DCUN1D4: variants seen among roughly 807,000 people sequenced by gnomAD.
DCUN1D4 encodes DCN1-like protein 4.
In DCUN1D4, 22 loss-of-function variants were observed where a neutral mutation model predicts 47.9. That is an observed-to-expected ratio of 0.46 (90% confidence interval 0.33 to 0.66). DCUN1D4 has a LOEUF of 0.66. DCUN1D4 is among the 30% of genes least tolerant of loss of function. The pLI, the probability that DCUN1D4 is intolerant of heterozygous loss-of-function variation, is 0.02. For missense variants in DCUN1D4, 301 were observed against 340.8 expected (o/e 0.88, Z 0.92); for synonymous variants, 121 against 112.2 (o/e 1.08, Z -0.50).
chr4:51,872,458 G>A (rs537928741), intron 3 of DCUN1D4, among the ~76,000 whole-genome samples: 1 of 152,238 alleles, frequency 6.6e-6, no homozygotes, highest in South Asian at 2.1e-4. Flanking sequence ...CCAATCCATG[G>A]ACACTGTACT....
intron 7 of DCUN1D4, among the ~76,000 whole-genome samples, chr4:51,892,253 G>A (rs922123806): frequency 6.6e-6 from 1 of 152,114 alleles, no homozygotes; most frequent in Non-Finnish European, 1.5e-5. Flanking sequence ...ATTCCAACAT[G>A]TAATCAATAT....
intron 1 of DCUN1D4, among the ~76,000 whole-genome samples, chr4:51,846,319 TAAG>T (rs1198892566): frequency 6.6e-6 from 1 of 152,216 alleles, no homozygotes; most frequent in Admixed American, 6.5e-5. Context: ...TGTTTTATAT[TAAG>T]AAGGATTTTT....
At chr4:51,859,850 G>A (rs1724758349) in intron 1 of DCUN1D4, among the ~76,000 whole-genome samples, 1 of 152,050 alleles carries the variant, frequency 6.6e-6, no homozygotes, top group South Asian at 2.1e-4. Flanking sequence ...ACTTTGGAGA[G>A]CCGTCTGATC....
intron 6 of DCUN1D4, chr4:51,887,046 A>T (rs1729600668): frequency 2.2e-6 from 1 of 452,738 alleles, no homozygotes; most frequent in Non-Finnish European, 4.4e-6. Flanking sequence ...AGTAGATTGT[A>T]ATCATCAAGA....
chr4:51,858,261 T>C (rs1178642026), intron 1 of DCUN1D4, among the ~76,000 whole-genome samples: 1 of 152,136 alleles, frequency 6.6e-6, no homozygotes, highest in Non-Finnish European at 1.5e-5. Context: ...AATGGAAACC[T>C]GATGAAGTAT....
At position 51,913,875 on chromosome 4, in the gene DCUN1D4, GA is replaced by G. The variant is rs1734051734; in HGVS notation, c.*296del. On this transcript the variant is annotated 3_prime_UTR_variant, in exon 11 of 11. Coordinates refer to ENST00000334635, the MANE Select transcript of DCUN1D4 (RefSeq NM_001040402.3). ...TAAATTTTGTATATGTGTATAAAAG[GA>G]AAAAGGTTCACCTAGAGATTATTTC... 2.5e-5 allele frequency: 8 copies of G among 322,204 alleles called. No homozygotes were observed. Among genetic ancestry groups the G allele is most frequent in the East Asian group, 4.9e-5 (1 of 20,522 alleles). 20.0% of individuals were successfully genotyped at this position (322,204 alleles called of 1,614,324 possible).
intron 1 of DCUN1D4, among the ~76,000 whole-genome samples, 153 bp from the exon 2 acceptor site, chr4:51,863,284 G>A (rs976978339): frequency 2.0e-4 from 30 of 152,118 alleles, no homozygotes; most frequent in Non-Finnish European, 2.8e-4. Context: ...ACTATTTCTA[G>A]GAGGTCACTA....
At chr4:51,850,151 T>C (rs899118621) in intron 1 of DCUN1D4, among the ~76,000 whole-genome samples, 1 of 152,228 alleles carries the variant, frequency 6.6e-6, no homozygotes, top group Non-Finnish European at 1.5e-5. Context: ...TTTGTCACTT[T>C]GCTGTTCCTG....
intron 9 of DCUN1D4, 96 bp downstream of exon 9, chr4:51,911,270 C>A: frequency 8.9e-7 from 1 of 1,119,582 alleles, no homozygotes; most frequent in Non-Finnish European, 1.3e-6. Context: ...GTTTGTTGTA[C>A]TTTTCTGCCT....
In DCUN1D4 at chr4:51,882,851, A is replaced by T. The variant is rs534984973; in HGVS notation, c.344-3717A>T. On this transcript the variant is annotated intron_variant, in intron 5 of 10. Coordinates refer to ENST00000334635, the MANE Select transcript of DCUN1D4 (RefSeq NM_001040402.3). ...AAGAATAGAAACCAAAGAGAGAGGAATTTTAAAAGAATTACAAAGTAACTT... is the reference window on the plus strand; with the variant it reads ...AAGAATAGAAACCAAAGAGAGAGGATTTTTAAAAGAATTACAAAGTAACTT... 8.5e-5 allele frequency among the ~76,000 whole-genome samples: 13 copies of T among 152,248 alleles called. No homozygotes were observed. The South Asian group carries it at 2.7e-3, about 32-fold the overall frequency.
chr4:51,843,317 C>G (rs1721888531), intron 1 of DCUN1D4, 50 bp downstream of exon 1: 4 of 1,495,054 alleles, frequency 2.7e-6, no homozygotes, highest in Non-Finnish European at 2.7e-6. Context: ...GGCTGCCAAA[C>G]TCGCCACTCG....
the DCUN1D4 span, among the ~76,000 whole-genome samples, chr4:51,837,991 A>G: frequency 6.6e-6 from 1 of 152,124 alleles, no homozygotes; most frequent in South Asian, 2.1e-4. Context: ...CAGCCTGACC[A>G]ACATGGTGAA....
intron 4 of DCUN1D4, among the ~76,000 whole-genome samples, chr4:51,875,915 G>A (rs948918640): frequency 6.6e-6 from 1 of 151,988 alleles, no homozygotes; most frequent in Non-Finnish European, 1.5e-5. Flanking sequence ...GCTGAGATAG[G>A]AATGCCTGGG....
intron 3 of DCUN1D4, among the ~76,000 whole-genome samples, chr4:51,872,330 G>C (rs910633560): frequency 6.6e-6 from 1 of 152,206 alleles, no homozygotes; most frequent in Non-Finnish European, 1.5e-5. Context: ...GCTATTGACA[G>C]CTCTCTCTGC....
chr4:51,852,073 G>T (rs1221514338), intron 1 of DCUN1D4, among the ~76,000 whole-genome samples: 1 of 152,146 alleles, frequency 6.6e-6, no homozygotes, highest in Non-Finnish European at 1.5e-5. Flanking sequence ...CCAGCTGATG[G>T]ATTATCTCTT....
chr4:51,897,258 A>G (rs929218278), intron 7 of DCUN1D4, among the ~76,000 whole-genome samples: 7 of 152,348 alleles, frequency 4.6e-5, no homozygotes, highest in African/African-American at 7.2e-5. Context: ...AACATTTAAT[A>G]TAATTGCAGG....
the DCUN1D4 span, among the ~76,000 whole-genome samples, chr4:51,834,233 T>C: frequency 2.0e-5 from 3 of 149,546 alleles, no homozygotes; most frequent in Non-Finnish European, 3.0e-5. Context: ...GAATGAGACG[T>C]TGGAAAAGCA....
At chr4:51,899,184 T>G in intron 7 of DCUN1D4, 86 bp from the exon 8 acceptor site, 2 of 1,424,666 alleles carry the variant, frequency 1.4e-6, no homozygotes, top group Non-Finnish European at 1.8e-6. Flanking sequence ...GTTCTTTCCT[T>G]TGGTATTGTG....
intron 1 of DCUN1D4, 104 bp downstream of exon 1, chr4:51,843,371 C>CG: frequency 7.2e-7 from 1 of 1,389,574 alleles, no homozygotes; most frequent in Non-Finnish European, 9.4e-7. Context: ...CGAAACGCGC[C>CG]GGGAGCCCCT....
Sources: gnomAD v4.1 joint callset for allele counts (sites outside exome capture counted in the v4.1 genomes callset) on GRCh38, gnomAD v4.1.1 for gene constraint, MANE v1.5 for transcripts, NCBI Gene and HGNC (gene_info 2026-07-23, HGNC 2026-07-21) for gene names.